Variants in UNC13B observed in about 807,000 individuals in gnomAD.
UNC13B encodes the protein protein unc-13 homolog B.
Under a neutral mutation model 211.0 loss-of-function variants are expected in UNC13B, and 144 were observed. The ratio of observed to expected loss-of-function variants is 0.68; its 90% CI spans 0.60 to 0.78. UNC13B has a LOEUF of 0.78. Among genes scored for constraint, UNC13B ranks in the 30% least tolerant of loss-of-function variants. The probability of loss-of-function intolerance (pLI) is 0.00; values close to 1 mark genes in which losing one functional copy is unlikely to be tolerated. For missense variants in UNC13B, 1,777 were observed against 2,002.0 expected (o/e 0.89, Z 2.14); for synonymous variants, 709 against 725.8 (o/e 0.98, Z 0.37).
In UNC13B at chr9:35,402,977, A is replaced by G. The variant is rs527401693; in HGVS notation, c.12485-190A>G. On this transcript the variant is annotated intron_variant, in intron 37 of 39. Coordinates refer to ENST00000635942, the MANE Select transcript of UNC13B (RefSeq NM_001371189.2). ...AAAATGTTGCGCCTAAGATGCTGTC[A>G]GCTTAACTTGTGTTACAAGACACAG... 9.8e-5 allele frequency among the ~76,000 whole-genome samples: 15 copies of G among 152,306 alleles called. No homozygotes were observed. In the South Asian group the frequency reaches 2.1e-3, roughly 21 times the overall value.
At position 35,398,970 on chromosome 9, in the gene UNC13B, A is replaced by G. The variant is rs1194394082; in HGVS notation, c.12010A>G (p.Arg4004Gly). The change falls in exon 33 of 40, where the codon AGG (arginine) becomes GGG (glycine). Residue 4004 changes from arginine (R) to glycine (G), a missense_variant. Physicochemically the swap from Arg to Gly is moderately radical, Grantham distance 125. Coordinates refer to ENST00000635942, the MANE Select transcript of UNC13B (RefSeq NM_001371189.2). The stretch of plus-strand genomic sequence containing the variant: ...CACAGGGAATGCATCTCCAGACGCC[A>G]GGGCCTCAGCGGCTCAGGATGCAGA... ...RGTGNASPDA[R>G]ASAAQDADSV... The G allele has an allele frequency of 6.2e-7, 1 of 1,614,198 alleles. No homozygotes were observed. The highest frequency in any genetic ancestry group is 2.2e-5 in the East Asian group (1 of 44,882).
At chr9:35,298,140 T>G (rs1829489939) in intron 8 of UNC13B, among the ~76,000 whole-genome samples, 1 of 152,180 alleles carries the variant, frequency 6.6e-6, no homozygotes, top group African/African-American at 2.4e-5. Flanking sequence ...CTAGACTGGC[T>G]AGGTGCAGTG....
At chr9:35,177,213 C>T (rs904636291) in intron 1 of UNC13B, among the ~76,000 whole-genome samples, 1 of 152,116 alleles carries the variant, frequency 6.6e-6, no homozygotes, top group South Asian at 2.1e-4. Flanking sequence ...TCTCTTCAAC[C>T]CAGGGGCGGA....
chr9:35,368,185 A>AT (rs1039299264), intron 12 of UNC13B, among the ~76,000 whole-genome samples: 2 of 152,066 alleles, frequency 1.3e-5, no homozygotes. Flanking sequence ...AACAATAGTT[A>AT]TTTTTTCTGC....
chr9:35,212,707 A>G lies in UNC13B; in HGVS notation c.23-15308A>G, dbSNP rs375008069. 8.5e-5 allele frequency among the ~76,000 whole-genome samples: 13 copies of G among 152,370 alleles called. No individual in the cohort carries two copies. The East Asian group carries it at 9.6e-4, about 11-fold the overall frequency. On this transcript the variant is annotated intron_variant, in intron 1 of 39. Coordinates refer to ENST00000635942, the MANE Select transcript of UNC13B (RefSeq NM_001371189.2). ...ACTGACCAAATATAACAAATATCCC[A>G]TTAAGGATATAATTTAGCTCCCAAG...
At position 35,162,128 on chromosome 9, in the gene UNC13B, C is replaced by G; in HGVS notation, c.-156C>G. On this transcript the variant is annotated 5_prime_UTR_variant, in exon 1 of 40. Transcript: ENST00000635942. ...TCAGACGGTGAGATTTGGGGCGGGTCCGAGGCAGCGGCGGGACGCTACCTG... is the reference window on the plus strand; with the variant it reads ...TCAGACGGTGAGATTTGGGGCGGGTGCGAGGCAGCGGCGGGACGCTACCTG... The G allele has an allele frequency of 1.7e-6, 2 of 1,169,298 alleles. No individual in the cohort carries two copies. Among genetic ancestry groups the G allele is most frequent in the Non-Finnish European group, 2.4e-6 (2 of 824,192 alleles). 72.4% of individuals were successfully genotyped at this position (1,169,298 alleles called of 1,614,324 possible).
intron 1 of UNC13B, among the ~76,000 whole-genome samples, chr9:35,207,593 C>T (rs10814214): frequency 0.074 from 11,218 of 151,766 alleles, 627 homozygotes; most frequent in East Asian, 0.3. Context: ...CCTAGGCCAC[C>T]CAAAGTGCTG....
intron 3 of UNC13B, among the ~76,000 whole-genome samples, chr9:35,233,842 C>T (rs1438103398): frequency 6.6e-6 from 1 of 152,076 alleles, no homozygotes; most frequent in Non-Finnish European, 1.5e-5. Context: ...AAGAAACTTC[C>T]CTAGGGTCCT....
intron 6 of UNC13B, among the ~76,000 whole-genome samples, chr9:35,249,721 T>G (rs1343388324): frequency 6.6e-6 from 1 of 152,242 alleles, no homozygotes; most frequent in African/African-American, 2.4e-5. Flanking sequence ...TGCCGAGAGA[T>G]CCACTGTTAG....
chr9:35,385,070 C>G (rs1363865812), intron 22 of UNC13B: 1 of 985,298 alleles, frequency 1.0e-6, no homozygotes, highest in East Asian at 1.1e-4. Flanking sequence ...ATATAAGTAG[C>G]CATTTGAAGG....
At chr9:35,275,183 A>G (rs1828101644) in intron 7 of UNC13B, among the ~76,000 whole-genome samples, 2 of 152,036 alleles carry the variant, frequency 1.3e-5, no homozygotes, top group Non-Finnish European at 2.9e-5. Context: ...ACTTGTTTCT[A>G]GGAAATGGGT....
At chr9:35,381,023 T>G in intron 18 of UNC13B, 77 bp from the exon 19 acceptor site, 1 of 1,436,882 alleles carries the variant, frequency 7.0e-7, no homozygotes, top group South Asian at 1.3e-5. Context: ...CTTCTCTTCC[T>G]TGGGTTAAGC....
chr9:35,240,277 T>G (rs1220625726), intron 5 of UNC13B, among the ~76,000 whole-genome samples: 2 of 152,228 alleles, frequency 1.3e-5, no homozygotes, highest in Non-Finnish European at 2.9e-5. Context: ...TGATTTCTAT[T>G]AGTTTTATTT....
chr9:35,228,748 G>A (rs1421835754), intron 2 of UNC13B, among the ~76,000 whole-genome samples: 2 of 125,092 alleles, frequency 1.6e-5, no homozygotes, highest in Non-Finnish European at 3.5e-5. Flanking sequence ...GTGTGTGTGT[G>A]TATGTGTGTG....
Position 35,397,715 on chromosome 9 carries a change from A to G in UNC13B, c.11754+3A>G. 1 of 1,613,998 alleles carries G rather than the reference A, an allele frequency of 6.2e-7. No individual in the cohort carries two copies. Among genetic ancestry groups the G allele is most frequent in the Non-Finnish European group, 8.5e-7 (1 of 1,179,956 alleles). ...CCTATTGCACAAAGGAGAAACTGGT[A>G]GGTTCAGGCCCTGGGACTCTTACAG... On this transcript the variant is annotated splice_donor_region_variant and intron_variant, in intron 30 of 39. Coordinates refer to ENST00000635942, the MANE Select transcript of UNC13B (RefSeq NM_001371189.2).
intron 1 of UNC13B, among the ~76,000 whole-genome samples, chr9:35,187,994 A>C (rs1027212169): frequency 3.9e-5 from 6 of 152,186 alleles, no homozygotes; most frequent in Admixed American, 3.9e-4. Context: ...AGTATAACTT[A>C]CTCAATTATT....
chr9:35,234,872 T>C (rs1335428921), intron 3 of UNC13B, among the ~76,000 whole-genome samples: 1 of 152,194 alleles, frequency 6.6e-6, no homozygotes, highest in Non-Finnish European at 1.5e-5. Flanking sequence ...ATTTATTTTA[T>C]AGCACAACAG....
At chr9:35,347,967 G>C (rs1351874457) in intron 11 of UNC13B, among the ~76,000 whole-genome samples, 1 of 152,182 alleles carries the variant, frequency 6.6e-6, no homozygotes, top group Admixed American at 6.5e-5. Context: ...GCTGGGCACG[G>C]TGGCTCACAC....
intron 6 of UNC13B, among the ~76,000 whole-genome samples, chr9:35,245,949 C>T (rs1441035176): frequency 6.6e-6 from 1 of 152,046 alleles, no homozygotes; most frequent in African/African-American, 2.4e-5. Context: ...ATGGTTGAAC[C>T]AGTTTCCAGT....
Sources: allele counts gnomAD v4.1 joint callset (sites outside exome capture counted in the v4.1 genomes callset), GRCh38; gene constraint gnomAD v4.1.1; transcripts MANE v1.5; gene names NCBI Gene and HGNC (gene_info 2026-07-23, HGNC 2026-07-21).